ELP4: variants seen among roughly 807,000 people sequenced by gnomAD.
ELP4 encodes the protein elongator acetyltransferase complex subunit 4.
In ELP4, 51 loss-of-function variants were observed where a neutral mutation model predicts 48.9. That is an observed-to-expected ratio of 1.04 (90% CI 0.83 to 1.32). ELP4 has a LOEUF of 1.32. ELP4 is among the 40% of genes most tolerant of loss of function. ELP4 has a pLI of 0.00. For missense variants in ELP4, 519 were observed against 514.6 expected, an observed-to-expected ratio of 1.01 and a Z score of -0.08; for synonymous variants, 210 against 189.2, an observed-to-expected ratio of 1.11 and a Z score of -0.90.
intron 3 of ELP4, among the ~76,000 whole-genome samples, chr11:31,590,753 A>G (rs1262856988): frequency 6.6e-6 from 1 of 152,206 alleles, no homozygotes; most frequent in Non-Finnish European, 1.5e-5. Flanking sequence ...GAGGAGCAGG[A>G]GCAAGAGAGC....
chr11:31,674,181 G>T (rs1346190064), intron 9 of ELP4, among the ~76,000 whole-genome samples: 1 of 152,172 alleles, frequency 6.6e-6, no homozygotes, highest in Non-Finnish European at 1.5e-5. Flanking sequence ...GTGAACAATA[G>T]ACAAAATCTG....
At chr11:31,541,604 C>G (rs1956592206) in intron 3 of ELP4, 1 of 152,170 alleles carries the variant, frequency 6.6e-6, no homozygotes, top group Non-Finnish European at 1.5e-5. Context: ...CCTGTATATG[C>G]TTTTGAAAAT....
At chr11:31,721,549 T>C (rs1362394612) in intron 9 of ELP4, among the ~76,000 whole-genome samples, 1 of 152,098 alleles carries the variant, frequency 6.6e-6, no homozygotes, top group East Asian at 1.9e-4. Context: ...ATTCAACCCA[T>C]GATGATGCTT....
chr11:31,686,864 G>C (rs1290866218), intron 9 of ELP4, among the ~76,000 whole-genome samples: 1 of 133,954 alleles, frequency 7.5e-6, no homozygotes, highest in Non-Finnish European at 1.6e-5. Context: ...GTGAGACCCT[G>C]CTTCAAAAAA....
intron 9 of ELP4, among the ~76,000 whole-genome samples, chr11:31,660,993 A>G (rs1945543513): frequency 6.6e-6 from 1 of 152,050 alleles, no homozygotes; most frequent in Admixed American, 6.6e-5. Flanking sequence ...ATACACTTAG[A>G]TTTTACATGT....
intron 9 of ELP4, among the ~76,000 whole-genome samples, chr11:31,689,001 C>G (rs1348018730): frequency 6.6e-6 from 1 of 152,092 alleles, no homozygotes; most frequent in Non-Finnish European, 1.5e-5. Context: ...GAATGCTGAA[C>G]AAAATTTCTA....
chr11:31,590,188 A>G (rs1387007913), intron 3 of ELP4, among the ~76,000 whole-genome samples: 12 of 152,200 alleles, frequency 7.9e-5, no homozygotes, highest in Admixed American at 7.9e-4. Context: ...TTTATTATCG[A>G]ACACTGAATT....
chr11:31,608,224 G>A (rs886349478), intron 5 of ELP4, among the ~76,000 whole-genome samples: 1 of 152,010 alleles, frequency 6.6e-6, no homozygotes, highest in African/African-American at 2.4e-5. Flanking sequence ...CGTATAGTGG[G>A]TGGTGTTGGA....
intron 9 of ELP4, among the ~76,000 whole-genome samples, chr11:31,708,756 T>G (rs1478016537): frequency 6.6e-6 from 1 of 152,116 alleles, no homozygotes; most frequent in Non-Finnish European, 1.5e-5. Context: ...AAAACCATAA[T>G]AAAAACAATG....
chr11:31,738,331 T>C (rs1413880206), intron 9 of ELP4, among the ~76,000 whole-genome samples: 2 of 151,464 alleles, frequency 1.3e-5, no homozygotes, highest in Non-Finnish European at 2.9e-5. Flanking sequence ...GAAGAATTGC[T>C]TGGGCCGTGG....
At chr11:31,518,386 G>A (rs1021096108) in intron 1 of ELP4, among the ~76,000 whole-genome samples, 6 of 151,882 alleles carry the variant, frequency 4.0e-5, no homozygotes, top group Admixed American at 6.6e-5. Flanking sequence ...GATTACAGGC[G>A]TGTGCAACTG....
chr11:31,593,449 G>T (rs1033360981), intron 3 of ELP4, among the ~76,000 whole-genome samples: 6 of 151,990 alleles, frequency 3.9e-5, no homozygotes, highest in Non-Finnish European at 8.8e-5. Context: ...TTGTCATGTT[G>T]CCCAAACTGG....
At chr11:31,701,818 A>T (rs1344018211) in intron 9 of ELP4, among the ~76,000 whole-genome samples, 1 of 151,586 alleles carries the variant, frequency 6.6e-6, no homozygotes, top group African/African-American at 2.4e-5. Context: ...TTCAATACTG[A>T]TCAGTAAAGA....
In ELP4 at chr11:31,745,341, A is replaced by G. The variant is rs543218367; in HGVS notation, c.1144-38052A>G. Reference sequence around the variant, plus strand: ...CAAGGTAATTTATAGATTCAATGCCATCCCCATCAAGCTACCAATGACTTT... The same window carrying G: ...CAAGGTAATTTATAGATTCAATGCCGTCCCCATCAAGCTACCAATGACTTT... On this transcript the variant is annotated intron_variant, in intron 9 of 9. Transcript: ENST00000640961. Among the ~76,000 whole-genome samples, 137 of 152,342 alleles carry G rather than the reference A, an allele frequency of 9.0e-4. No homozygotes were observed. The Middle Eastern group carries it at 0.01, about 11-fold the overall frequency.
intron 9 of ELP4, among the ~76,000 whole-genome samples, chr11:31,753,334 G>A (rs1592282375): frequency 6.6e-6 from 1 of 152,192 alleles, no homozygotes; most frequent in East Asian, 1.9e-4. Context: ...CAGATGTGCT[G>A]GCCTCCTCAC....
At chr11:31,778,890 G>A (rs532005222) in intron 9 of ELP4, among the ~76,000 whole-genome samples, 3 of 152,048 alleles carry the variant, frequency 2.0e-5, no homozygotes, top group South Asian at 2.1e-4. Context: ...AGTTTTAAAG[G>A]TTTTTTTGTA....
At chr11:31,551,396 A>G (rs1956849032) in intron 3 of ELP4, among the ~76,000 whole-genome samples, 1 of 152,172 alleles carries the variant, frequency 6.6e-6, no homozygotes, top group African/African-American at 2.4e-5. Context: ...CAAAGCATCA[A>G]TGATTTTATC....
chr11:31,775,704 C>T (rs1463470999), intron 9 of ELP4, among the ~76,000 whole-genome samples: 1 of 152,076 alleles, frequency 6.6e-6, no homozygotes, highest in Non-Finnish European at 1.5e-5. Flanking sequence ...CGATGGTTCA[C>T]ACCTGTAATC....
chr11:31,629,493 TATCTC>T (rs1376270798), intron 6 of ELP4, among the ~76,000 whole-genome samples: 1 of 152,024 alleles, frequency 6.6e-6, no homozygotes, highest in East Asian at 1.9e-4. Context: ...TTAAATATCT[TATCTC>T]TCATTCATTT....
Sources: allele counts gnomAD v4.1 joint callset (sites outside exome capture counted in the v4.1 genomes callset), GRCh38; gene constraint gnomAD v4.1.1; transcripts MANE v1.5; gene names NCBI Gene and HGNC (gene_info 2026-07-23, HGNC 2026-07-21).